The following STX16 variants were observed in gnomAD, a reference collection of about 807,000 sequenced individuals.
The protein encoded by STX16 is syntaxin 16.
In STX16, 28 loss-of-function variants were observed where a neutral mutation model predicts 42.7. The observed-to-expected ratio is 0.66, with a 90% CI of 0.49 to 0.90. The LOEUF is 0.90. Ranked by LOEUF, STX16 falls within the 40% of genes least tolerant of loss-of-function variation. The pLI is 0.00. For missense variants in STX16, 361 were observed against 420.9 expected (o/e 0.86, Z 1.24); for synonymous variants, 156 against 155.2 (o/e 1.00, Z -0.04).
chr20:58,670,942 T>C (rs2083954804), intron 6 of STX16, among the ~76,000 whole-genome samples: 1 of 152,244 alleles, frequency 6.6e-6, no homozygotes, highest in Non-Finnish European at 1.5e-5. Context: ...TTCCCTGCTA[T>C]GGCCTCAGAG....
At chr20:58,667,944 G>T (rs759378553) in intron 3 of STX16, 43 bp from the exon 4 acceptor site, 1 of 1,613,040 alleles carries the variant, frequency 6.2e-7, no homozygotes, top group Admixed American at 1.7e-5. Context: ...GCAGACCATA[G>T]CCTGCCTGGC....
intron 2 of STX16, among the ~76,000 whole-genome samples, chr20:58,665,226 TG>T (rs1294373758): frequency 6.6e-6 from 1 of 152,238 alleles, no homozygotes; most frequent in Non-Finnish European, 1.5e-5. Flanking sequence ...TGCGCCTCTC[TG>T]TCCACGGATG....
In STX16 at chr20:58,676,270, C is replaced by T; in HGVS notation, c.957C>T (p.Leu319=). The change falls in exon 9 of 9, where the codon CTC becomes CTT. Residue 319 remains leucine (L), a synonymous_variant. Coordinates refer to ENST00000371141, the MANE Select transcript of STX16 (RefSeq NM_001001433.3). Reference sequence around the variant, plus strand: ...TCATCATTGTGCTCATTGTTGTCCTCGTTGGCGTGAAGTCTCGATAAGTGG... The same window carrying T: ...TCATCATTGTGCTCATTGTTGTCCTTGTTGGCGTGAAGTCTCGATAAGTGG... The part of the protein sequence containing the change: ...FVIIIVLIVV[L]VGVKSR 1.9e-6 allele frequency: 3 copies of T among 1,614,162 alleles called. No individual in the cohort carries two copies. The highest frequency in any genetic ancestry group is 2.5e-6 in the Non-Finnish European group (3 of 1,179,984).
At chr20:58,660,946 A>G (rs1157418176) in intron 2 of STX16, among the ~76,000 whole-genome samples, 1 of 151,708 alleles carries the variant, frequency 6.6e-6, no homozygotes, top group Non-Finnish European at 1.5e-5. Context: ...GTTAAAAAAA[A>G]AAAACACCAC....
In STX16 at chr20:58,667,503, G is replaced by A. The variant is rs750312456; in HGVS notation, c.158G>A (p.Arg53His). The A allele has an allele frequency of 1.5e-5, 25 of 1,613,874 alleles. No individual in the cohort carries two copies. The highest frequency in any genetic ancestry group is 1.2e-4 in the Admixed American group (7 of 59,992). The change falls in exon 3 of 9, where the codon CGT (arginine) becomes CAT (histidine). Residue 53 changes from arginine (R) to histidine (H), a missense_variant. Physicochemically the swap from Arg to His is conservative, Grantham distance 29. Coordinates refer to ENST00000371141, the MANE Select transcript of STX16 (RefSeq NM_001001433.3). ...ACTTTCCTGTAGCTTGCTGATGACC[G>A]TATGGCACTGGTGTCAGGCATCAGC... The part of the protein sequence containing the change: ...AAELDELADD[R>H]MALVSGISLD...
intron 7 of STX16, among the ~76,000 whole-genome samples, chr20:58,672,220 T>C (rs1193257787): frequency 2.0e-5 from 3 of 152,002 alleles, no homozygotes; most frequent in African/African-American, 4.8e-5. Flanking sequence ...CTGTAACAGC[T>C]ACTCGGGAGG....
intron 2 of STX16, 69 bp from the exon 3 acceptor site, chr20:58,667,421 G>A: frequency 8.1e-7 from 1 of 1,229,670 alleles, no homozygotes; most frequent in Non-Finnish European, 1.2e-6. Flanking sequence ...ACATTTAAGA[G>A]AGAGTAAGAG....
intron 1 of STX16, chr20:58,652,380 C>CT (rs879041674): frequency 5.4e-5 from 32 of 589,488 alleles, no homozygotes; most frequent in South Asian, 4.3e-4. Context: ...CACCCCCCCC[C>CT]CCGCACCCCC....
In STX16 at chr20:58,676,225, G is replaced by C. The variant is rs886056848; in HGVS notation, c.912G>C (p.Val304=). The C allele has an allele frequency of 3.7e-6, 6 of 1,614,204 alleles. No homozygotes were observed. The highest frequency in any genetic ancestry group is 1.3e-5 in the African/African-American group (1 of 75,054). ...QYQKKNRKML[V]ILILFVIIIV... ...AAAAGAAGAATCGGAAGATGCTTGTGATTTTAATATTATTTGTCATCATCA... is the reference window on the plus strand; with the variant it reads ...AAAAGAAGAATCGGAAGATGCTTGTCATTTTAATATTATTTGTCATCATCA... The change falls in exon 9 of 9, where the codon GTG becomes GTC. Residue 304 remains valine (V), a synonymous_variant. Coordinates refer to ENST00000371141, the MANE Select transcript of STX16 (RefSeq NM_001001433.3).
rs116060700 is a variant in STX16 at position 58,668,208 on chromosome 20, A to G, written c.393+81A>G. On this transcript the variant is annotated intron_variant, in intron 4 of 8. Coordinates refer to ENST00000371141, the MANE Select transcript of STX16 (RefSeq NM_001001433.3). ...AGAAACTAGAGTGTTACTCAGAATC[A>G]GTCTCCTGGAGTCATTTCCCAACCT... is the stretch of plus-strand genomic sequence containing the variant. The G allele has an allele frequency of 2.8e-4, 419 of 1,522,078 alleles. No individual in the cohort carries two copies. In the African/African-American group the frequency reaches 5.3e-3, roughly 19 times the overall value. 94.3% of individuals were successfully genotyped at this position (1,522,078 alleles called of 1,614,324 possible).
rs968931699 is a variant in STX16 at position 58,676,895 on chromosome 20, A to G, written c.*604A>G. On this transcript the variant is annotated 3_prime_UTR_variant, in exon 9 of 9. Transcript: ENST00000371141. ...TGATCAGAGTAACAAAGTGTGAAAA[A>G]TAAGAAACCATCATTGATGTTAATT... 1 of 152,666 alleles carries G rather than the reference A, an allele frequency of 6.6e-6. No homozygotes were observed. Among genetic ancestry groups the G allele is most frequent in the African/African-American group, 2.4e-5 (1 of 41,466 alleles). The allele number at this position is 152,666 out of a possible 1,614,324, so 9.5% of individuals were successfully genotyped here. A position where few individuals can be genotyped will look rare whatever the true frequency, so the allele number is the denominator to read the frequency against.
chr20:58,674,398 T>C (rs1046740966), intron 8 of STX16, among the ~76,000 whole-genome samples: 4 of 152,230 alleles, frequency 2.6e-5, no homozygotes, highest in African/African-American at 9.6e-5. Flanking sequence ...TTACGTATTT[T>C]CTTTAAAAGG....
At chr20:58,674,006 T>C (rs888537307) in intron 8 of STX16, among the ~76,000 whole-genome samples, 2 of 152,232 alleles carry the variant, frequency 1.3e-5, no homozygotes, top group African/African-American at 4.8e-5. Context: ...TTAGAAAATA[T>C]TTCATTCTTT....
chr20:58,673,810 C>A (rs1194616422), intron 8 of STX16, 99 bp downstream of exon 8: 5 of 865,098 alleles, frequency 5.8e-6, no homozygotes, highest in Non-Finnish European at 9.4e-6. Flanking sequence ...CTTCAGCATT[C>A]TTGTGTTGTC....
intron 1 of STX16, chr20:58,652,371 A>ACCCCC (rs11481928): frequency 2.7e-3 from 1,229 of 461,772 alleles, no homozygotes; most frequent in African/African-American, 7.4e-3. Flanking sequence ...CTTCCGCAGC[A>ACCCCC]CCCCCCCCCC....
In STX16 at chr20:58,657,884, A is replaced by C. The variant is rs1440122523; in HGVS notation, c.133-1739A>C. 6.6e-6 allele frequency among the ~76,000 whole-genome samples: 1 copy of C among 152,170 alleles called. No individual in the cohort carries two copies. Among genetic ancestry groups the C allele is most frequent in the Non-Finnish European group, 1.5e-5 (1 of 68,030 alleles). On this transcript the variant is annotated intron_variant, in intron 1 of 8. Transcript: ENST00000371141. The surrounding 1 kb of genome is among the most constrained non-coding windows in gnomAD (Gnocchi z 4.2). ...ACAAGTAATTCCCTGAATTGTTAAT[A>C]AAATTAGAGAGGCTGGAGGGTGGGG...
chr20:58,673,640 C>T lies in STX16; in HGVS notation c.802C>T (p.Leu268Phe). ...GAMIVEQGTV[L>F]DRIDYNVEQS... is the part of the protein sequence containing the mutation. ...GTCATTTATTACCTAGGGTACAGTC[C>T]TTGACAGAATTGACTATAACGTTGA... The change falls in exon 8 of 9, where the codon CTT becomes TTT. Residue 268 changes from leucine (L) to phenylalanine (F), a missense_variant. Physicochemically the swap from Leu to Phe is conservative, Grantham distance 22. Coordinates refer to ENST00000371141, the MANE Select transcript of STX16 (RefSeq NM_001001433.3). 1.9e-6 allele frequency: 3 copies of T among 1,611,474 alleles called. No individual in the cohort carries two copies. Among genetic ancestry groups the T allele is most frequent in the South Asian group, 1.1e-5 (1 of 90,978 alleles).
rs532410455 is a variant in STX16 at position 58,671,488 on chromosome 20, CA to C, written c.792+194del. 3.8e-3 allele frequency among the ~76,000 whole-genome samples: 549 copies of C among 145,386 alleles called. 3 individuals are homozygous for C. The highest frequency in any genetic ancestry group is 0.013 in the African/African-American group (521 of 39,192). On this transcript the variant is annotated intron_variant, in intron 7 of 8. Transcript: ENST00000371141. ...TGTGTGTGTGTATATTAATATTAAT[CA>C]AATATTAAATTTGATTAATTTTAAA...
At position 58,676,817 on chromosome 20, in the gene STX16, G is replaced by T; in HGVS notation, c.*526G>T. 1 of 152,594 alleles carries T rather than the reference G, an allele frequency of 6.6e-6. No homozygotes were observed. The highest frequency in any genetic ancestry group is 2.1e-4 in the South Asian group (1 of 4,836). The allele number at this position is 152,594 out of a possible 1,614,324, so 9.5% of individuals were successfully genotyped here. A position where few individuals can be genotyped will look rare whatever the true frequency, so the allele number is the denominator to read the frequency against. Reference sequence around the variant, plus strand: ...GAAAACAAACTAAGAAGTCCTTTAAGAATTTATAATCCGTTCCCCATTAAC... The same window carrying T: ...GAAAACAAACTAAGAAGTCCTTTAATAATTTATAATCCGTTCCCCATTAAC... On this transcript the variant is annotated 3_prime_UTR_variant, in exon 9 of 9. Transcript: ENST00000371141.
Sources: gnomAD v4.1 joint callset for allele counts (sites outside exome capture counted in the v4.1 genomes callset) on GRCh38, gnomAD v4.1.1 for gene constraint, Gnocchi (gnomAD v3.1) non-coding constraint, MANE v1.5 for transcripts, NCBI Gene and HGNC (gene_info 2026-07-23, HGNC 2026-07-21) for gene names.